Variants in RPL26L1 observed in about 807,000 individuals in gnomAD.
The protein encoded by RPL26L1 is ribosomal protein uL24-like.
Under a neutral mutation model 15.2 loss-of-function variants are expected in RPL26L1, and 8 were observed. That is an observed-to-expected ratio of 0.53 (90% CI 0.31 to 0.95). RPL26L1 has a LOEUF of 0.95. RPL26L1 is among the 40% of genes least tolerant of loss of function. The pLI, the probability that RPL26L1 is intolerant of heterozygous loss-of-function variation, is 0.05. For missense variants in RPL26L1, 146 were observed against 190.9 expected, an observed-to-expected ratio of 0.76 and a Z score of 1.39; for synonymous variants, 51 against 65.9, an observed-to-expected ratio of 0.77 and a Z score of 1.09.
At chr5:172,961,703 G>T (rs1247805593) in intron 2 of RPL26L1, among the ~76,000 whole-genome samples, 1 of 152,172 alleles carries the variant, frequency 6.6e-6, no homozygotes, top group Non-Finnish European at 1.5e-5. Context: ...ATCTCTTTCT[G>T]CTCTGTGTTC....
upstream of RPL26L1, chr5:172,958,376 G>C (rs1234879633): frequency 2.2e-6 from 1 of 456,242 alleles, no homozygotes; most frequent in Non-Finnish European, 4.4e-6. Context: ...ACCTGCCTGG[G>C]TGTGGCTGCT....
upstream of RPL26L1, chr5:172,958,608 T>C: frequency 2.9e-6 from 1 of 344,828 alleles, no homozygotes; most frequent in Non-Finnish European, 6.0e-6. Context: ...GTGGTTGATC[T>C]CCCTCACAGC....
intron 2 of RPL26L1, among the ~76,000 whole-genome samples, chr5:172,961,234 G>A (rs1405781095): frequency 6.6e-6 from 1 of 152,166 alleles, no homozygotes; most frequent in Non-Finnish European, 1.5e-5. Context: ...AGAGTGGAAA[G>A]AGTAGTTCAG....
upstream of RPL26L1, chr5:172,957,599 T>A (rs1221771094): frequency 3.7e-6 from 1 of 269,480 alleles, no homozygotes. Context: ...AATGAGTGAA[T>A]AAACAGAACC....
intron 2 of RPL26L1, among the ~76,000 whole-genome samples, chr5:172,967,356 T>G (rs1040535030): frequency 5.3e-5 from 8 of 152,014 alleles, no homozygotes; most frequent in Admixed American, 2.6e-4. Context: ...TCCCAGCTAC[T>G]TGGGAGGCTG....
chr5:172,966,740 T>G (rs1037522975), intron 2 of RPL26L1, among the ~76,000 whole-genome samples: 4 of 152,164 alleles, frequency 2.6e-5, no homozygotes, highest in Non-Finnish European at 5.9e-5. Context: ...AACCTAAAAA[T>G]CGCCTTGGAA....
chr5:172,954,915 G>A (rs753616710), upstream of RPL26L1: 38 of 456,192 alleles, frequency 8.3e-5, no homozygotes, highest in South Asian at 5.9e-4. Flanking sequence ...CCCTCCAGGG[G>A]TGCGTGACAG....
chr5:172,959,461 G>GT lies in RPL26L1; in HGVS notation c.-16dup. 1 of 1,016,134 alleles carries GT rather than the reference G, an allele frequency of 9.8e-7. No homozygotes were observed. The highest frequency in any genetic ancestry group is 1.2e-6 in the Non-Finnish European group (1 of 845,292). 62.9% of individuals were successfully genotyped at this position (1,016,134 alleles called of 1,614,324 possible). A position where few individuals can be genotyped will look rare whatever the true frequency, so the allele number is the denominator to read the frequency against. On this transcript the variant is annotated 5_prime_UTR_variant, in exon 1 of 4. Transcript: ENST00000265100. Reference sequence around the variant, plus strand: ...GCGCACTCAGGGTCTGAGGCAGCTAGTAGCCGGGTGAGTGGAGGCTGGAGT... The same window carrying GT: ...GCGCACTCAGGGTCTGAGGCAGCTAGTTAGCCGGGTGAGTGGAGGCTGGAGT...
upstream of RPL26L1, chr5:172,956,949 A>G: frequency 3.8e-6 from 1 of 265,802 alleles, no homozygotes. Context: ...AAAAAAAAAA[A>G]AAATCCTGAC....
chr5:172,960,265 A>G lies in RPL26L1; in HGVS notation c.168+224A>G, dbSNP rs145843147. ...TAAAATTTAATAAAACAGTATGTCA[A>G]CCAAGCAAAAACCTGCTTTTTTGTT... On this transcript the variant is annotated intron_variant, in intron 2 of 3. Transcript: ENST00000265100. 1.4e-4 allele frequency among the ~76,000 whole-genome samples: 22 copies of G among 152,320 alleles called. 1 individual carries two copies. The East Asian group carries it at 3.3e-3, about 23-fold the overall frequency.
At chr5:172,955,688 C>T (rs1754952248), upstream of RPL26L1, 2 of 152,260 alleles carry the variant, frequency 1.3e-5, no homozygotes, top group Admixed American at 1.3e-4. Flanking sequence ...TGAGGTCACG[C>T]ACTTCATTCT....
upstream of RPL26L1, chr5:172,956,044 AAATT>A (rs1460962881): frequency 6.6e-6 from 1 of 152,254 alleles, no homozygotes. Context: ...GAGAAAATCT[AAATT>A]AAACATTCGC....
chr5:172,955,128 AGT>A (rs1491555856), upstream of RPL26L1: 6 of 217,838 alleles, frequency 2.8e-5, no homozygotes, highest in South Asian at 7.0e-5. Context: ...AGCTGTGGTT[AGT>A]TTTTTTTTTT....
chr5:172,966,984 T>C (rs1414097284), intron 2 of RPL26L1, among the ~76,000 whole-genome samples: 2 of 151,644 alleles, frequency 1.3e-5, no homozygotes, highest in African/African-American at 4.8e-5. Context: ...GCCCCCCGAG[T>C]AGCTGGGTCT....
At chr5:172,958,060 T>G (rs1581600949), upstream of RPL26L1, 2 of 243,424 alleles carry the variant, frequency 8.2e-6, no homozygotes, top group Non-Finnish European at 1.7e-5. Flanking sequence ...AGGTCGGGAG[T>G]TCAAGACCAG....
intron 2 of RPL26L1, 147 bp downstream of exon 2, chr5:172,960,188 A>T (rs1270280442): frequency 1.2e-6 from 1 of 855,690 alleles, no homozygotes; most frequent in African/African-American, 1.7e-5. Flanking sequence ...GTTCAGAGCC[A>T]CCAGAGAGTG....
intron 2 of RPL26L1, among the ~76,000 whole-genome samples, chr5:172,962,815 C>CAAA (rs56210758): frequency 1.9e-4 from 12 of 61,872 alleles, no homozygotes; most frequent in South Asian, 5.1e-4. Context: ...GGCTCTGTCT[C>CAAA]AAAAAAAAAA....
chr5:172,958,761 G>A, upstream of RPL26L1: 1 of 241,648 alleles, frequency 4.1e-6, no homozygotes, highest in Non-Finnish European at 8.7e-6. Flanking sequence ...GGAGCGACCC[G>A]GCGGGGCCAG....
intron 2 of RPL26L1, among the ~76,000 whole-genome samples, chr5:172,964,615 G>A (rs919048158): frequency 6.6e-6 from 1 of 152,166 alleles, no homozygotes; most frequent in African/African-American, 2.4e-5. Context: ...ATGCCTAAGA[G>A]GTATGAATTG....
Sources: gnomAD v4.1 joint callset for allele counts (sites outside exome capture counted in the v4.1 genomes callset) on GRCh38, gnomAD v4.1.1 for gene constraint, MANE v1.5 for transcripts, NCBI Gene and HGNC (gene_info 2026-07-23, HGNC 2026-07-21) for gene names.